TPM4: variants seen among roughly 807,000 people sequenced by gnomAD.
TPM4 encodes tropomyosin 4.
TPM4 carries 17 observed loss-of-function variants against 35.8 expected under a neutral mutation model. That is an observed-to-expected ratio of 0.47 (90% CI 0.32 to 0.71). The LOEUF (loss-of-function observed/expected upper bound fraction) is 0.71, where lower values mean the gene tolerates loss of function less well. Ranked by LOEUF, TPM4 falls within the 30% of genes least tolerant of loss-of-function variation. The pLI is 0.03. For missense variants in TPM4, 240 were observed against 320.9 expected (o/e 0.75, Z 1.93); for synonymous variants, 120 against 122.9 (o/e 0.98, Z 0.15).
At chr19:16,068,169 C>CGT (rs35984570) in intron 2 of TPM4, among the ~76,000 whole-genome samples, 3,109 of 148,664 alleles carry the variant, frequency 0.021, 75 homozygotes, top group African/African-American at 0.052. Flanking sequence ...TGCATGTGTG[C>CGT]GTGTGTGTGT....
intron 7 of TPM4, among the ~76,000 whole-genome samples, chr19:16,094,069 A>T (rs905746107): frequency 1.4e-5 from 2 of 145,792 alleles, no homozygotes; most frequent in Non-Finnish European, 3.0e-5. Context: ...GGTTCAAGTG[A>T]TTCTCCTGCC....
At chr19:16,089,495 C>T (rs2090599667) in intron 5 of TPM4, among the ~76,000 whole-genome samples, 1 of 152,166 alleles carries the variant, frequency 6.6e-6, no homozygotes. Context: ...TGGAATTGGG[C>T]TTTTTAGTTT....
In TPM4 at chr19:16,088,824, C is replaced by G. The variant is rs957559038; in HGVS notation, c.456-221C>G. ...GTGTTTTCCAAGCCCTCCAAATACT[C>G]TTCGGGCGCACCTCGCCTCTGCCTG... On this transcript the variant is annotated intron_variant, in intron 4 of 7. Transcript: ENST00000643579. The G allele has an allele frequency of 3.0e-6, 4 of 1,329,950 alleles. No homozygotes were observed. The Admixed American group carries it at 1.3e-4, about 42-fold the overall frequency. The allele number at this position is 1,329,950 out of a possible 1,614,324, so 82.4% of individuals were successfully genotyped here.
At chr19:16,074,828 ACGCCTGCAATCCCAG>A (rs2090388314), upstream of TPM4, 1 of 152,336 alleles carries the variant, frequency 6.6e-6, no homozygotes, top group African/African-American at 2.4e-5. Flanking sequence ...GTGGCGACTC[ACGCCTGCAATCCCAG>A]CAATTTGGGA....
chr19:16,076,673 C>T lies in TPM4; in HGVS notation c.108C>T (p.Asp36=). ...DRAQGLQREL[D]GERERREKAE... ...CGCAGGGCCTGCAGCGGGAGCTGGA[C>T]GGCGAGCGCGAGCGGCGCGAGAAAG... The change falls in exon 1 of 8, where the codon GAC becomes GAT. Residue 36 remains aspartate (D), a synonymous_variant. Transcript: ENST00000643579. The T allele has an allele frequency of 7.2e-7, 1 of 1,382,170 alleles. No homozygotes were observed. Among genetic ancestry groups the T allele is most frequent in the Non-Finnish European group, 9.4e-7 (1 of 1,069,430 alleles). The allele number at this position is 1,382,170 out of a possible 1,614,324, so 85.6% of individuals were successfully genotyped here. A position where few individuals can be genotyped will look rare whatever the true frequency, so the allele number is the denominator to read the frequency against.
intron 7 of TPM4, 60 bp from the exon 8 acceptor site, chr19:16,101,204 C>A (rs1418221389): frequency 3.1e-6 from 4 of 1,311,020 alleles, no homozygotes; most frequent in Non-Finnish European, 3.1e-6. Context: ...CTTTTTTTTT[C>A]TTTCATTTAA....
chr19:16,087,885 CA>C (rs201059288), intron 3 of TPM4, 141 bp from the exon 4 acceptor site: 145 of 848,906 alleles, frequency 1.7e-4, no homozygotes, highest in Middle Eastern at 3.5e-4. Flanking sequence ...CGTCCCCCTG[CA>C]AAAAAAAGAA....
chr19:16,080,405 G>A (rs942746877), intron 1 of TPM4: 17 of 202,496 alleles, frequency 8.4e-5, no homozygotes, highest in African/African-American at 3.2e-4. Context: ...GGGCATAAGC[G>A]GCGCCACCCT....
chr19:16,096,812 T>A (rs1019155630), intron 7 of TPM4, among the ~76,000 whole-genome samples: 1 of 152,146 alleles, frequency 6.6e-6, no homozygotes, highest in African/African-American at 2.4e-5. Flanking sequence ...CAATCTCCAT[T>A]CATATTTCAG....
intron 5 of TPM4, among the ~76,000 whole-genome samples, chr19:16,089,728 G>A (rs2090602896): frequency 6.7e-6 from 1 of 150,232 alleles, no homozygotes; most frequent in Admixed American, 6.6e-5. Flanking sequence ...GAATTCAGTG[G>A]CATGATCATA....
At chr19:16,068,067 G>A (rs2090315877) in intron 2 of TPM4, 1 of 403,284 alleles carries the variant, frequency 2.5e-6, no homozygotes, top group Admixed American at 4.4e-5. Flanking sequence ...GGCGGTTGGG[G>A]ACATGCTGTG....
chr19:16,097,968 A>G (rs1855797467), intron 7 of TPM4, among the ~76,000 whole-genome samples: 1 of 151,958 alleles, frequency 6.6e-6, no homozygotes, highest in Non-Finnish European at 1.5e-5. Flanking sequence ...CCCCTCACAC[A>G]TTGCCATATA....
In TPM4 at chr19:16,078,306, T is replaced by TA. The variant is rs1555707448; in HGVS notation, c.132+1609_132+1610insA. ...AGGCAAGAAAGTTGTATGATGAGGG[T>TA]GGGGGGGTGTGCGGATAGAGGTTGA... is the stretch of plus-strand genomic sequence containing the variant. On this transcript the variant is annotated intron_variant, in intron 1 of 7. Transcript: ENST00000643579. Among the ~76,000 whole-genome samples, 4 of 150,684 alleles carry TA rather than the reference T, an allele frequency of 2.7e-5. No homozygotes were observed. In the East Asian group the frequency reaches 7.8e-4, roughly 29 times the overall value.
At chr19:16,094,408 G>A (rs1023408520) in intron 7 of TPM4, among the ~76,000 whole-genome samples, 8 of 151,618 alleles carry the variant, frequency 5.3e-5, no homozygotes, top group South Asian at 4.2e-4. Context: ...GGTGGTGCAC[G>A]CCTGTAATCC....
At chr19:16,075,426 T>C (rs2090394056), upstream of TPM4, 2 of 152,256 alleles carry the variant, frequency 1.3e-5, no homozygotes, top group East Asian at 3.9e-4. Context: ...AAAGTGATCC[T>C]GTAGGGGCGA....
chr19:16,089,223 T>C, intron 5 of TPM4, 103 bp downstream of exon 5: 1 of 1,482,356 alleles, frequency 6.7e-7, no homozygotes, highest in Non-Finnish European at 9.3e-7. Flanking sequence ...CTGCCCTTTA[T>C]TTAACAGTAG....
intron 7 of TPM4, chr19:16,095,258 C>T (rs2090680193): frequency 3.9e-6 from 4 of 1,021,792 alleles, no homozygotes; most frequent in Non-Finnish European, 4.7e-6. Context: ...GACCTCCGCC[C>T]TCTAGATGAG....
intron 7 of TPM4, among the ~76,000 whole-genome samples, 199 bp downstream of exon 7, chr19:16,093,952 CTTT>C (rs35095689): frequency 7.4e-5 from 8 of 108,792 alleles, no homozygotes; most frequent in African/African-American, 1.7e-4. Context: ...TTGAATGGCC[CTTT>C]TTTTTTTTTT....
At chr19:16,073,559 C>T (rs1418330299), upstream of TPM4, among the ~76,000 whole-genome samples, 6 of 152,126 alleles carry the variant, frequency 3.9e-5, no homozygotes, top group East Asian at 7.7e-4. Context: ...GCTCCCCACC[C>T]GGAGGTCAAG....
Sources: allele counts gnomAD v4.1 joint callset (sites outside exome capture counted in the v4.1 genomes callset), GRCh38; gene constraint gnomAD v4.1.1; transcripts MANE v1.5; gene names NCBI Gene and HGNC (gene_info 2026-07-23, HGNC 2026-07-21).